Variants in CFAP251 observed in about 807,000 individuals in gnomAD.
CFAP251 encodes the protein cilia- and flagella-associated protein 251.
In CFAP251, 93 loss-of-function variants were observed where a neutral mutation model predicts 126.7. The ratio of observed to expected loss-of-function variants is 0.73; its 90% CI spans 0.62 to 0.87. The LOEUF is 0.87. Among genes scored for constraint, CFAP251 ranks in the 40% least tolerant of loss-of-function variants. The pLI is 0.00. For synonymous variants in CFAP251, 503 were observed against 506.9 expected (o/e 0.99, Z 0.10); for missense variants, 1,287 against 1,389.2 (o/e 0.93, Z 1.17).
At chr12:121,945,551 G>A (rs972432008) in intron 7 of CFAP251, among the ~76,000 whole-genome samples, 8 of 150,796 alleles carry the variant, frequency 5.3e-5, no homozygotes, top group Admixed American at 1.3e-4. Context: ...CACCATGTTA[G>A]CCAGGATGGT....
At chr12:121,998,431 TAATATATATATA>T (rs1179395380) in intron 19 of CFAP251, 1 of 73,028 alleles carries the variant, frequency 1.4e-5, no homozygotes. Flanking sequence ...GTTTTTAGTG[TAATATATATATA>T]TATATATATA....
chr12:121,961,047 A>T (rs830127), intron 14 of CFAP251, among the ~76,000 whole-genome samples: 1 of 152,092 alleles, frequency 6.6e-6, no homozygotes, highest in Non-Finnish European at 1.5e-5. Context: ...CTTGCCTCCC[A>T]GTGTGCACGG....
At chr12:121,995,911 ATGTG>A (rs1281511873) in intron 19 of CFAP251, among the ~76,000 whole-genome samples, 1 of 152,228 alleles carries the variant, frequency 6.6e-6, no homozygotes, top group East Asian at 1.9e-4. Flanking sequence ...AAAAATATGC[ATGTG>A]TATTTTATAT....
rs192163101 is a variant in CFAP251, at chr12:121,989,261, T to C, written c.3007-10455T>C. Among the ~76,000 whole-genome samples the C allele has an allele frequency of 3.0e-3, 455 of 152,312 alleles. 2 individuals are homozygous for C. Among genetic ancestry groups the C allele is most frequent in the African/African-American group, 0.01 (431 of 41,560 alleles). On this transcript the variant is annotated intron_variant, in intron 19 of 21. Transcript: ENST00000288912. This position sits in a 1 kb window ranked among gnomAD's most constrained non-coding sequence, Gnocchi z 4.2. ...GAGGTGTTTGAGACCTGGGCTCTGA[T>C]GCAGGGCAGGGTGACAGTCACTCTA...
At chr12:122,000,055 A>G (rs1883112979) in intron 20 of CFAP251, 111 bp downstream of exon 20, 1 of 989,722 alleles carries the variant, frequency 1.0e-6, no homozygotes, top group Admixed American at 2.6e-5. Flanking sequence ...GAAAGAGGTG[A>G]TTTGACCAGA....
chr12:121,989,744 C>CTG lies in CFAP251; in HGVS notation c.3007-9971_3007-9970insGT, dbSNP rs1565924110. ...GGGAAGAGGGTGAGTGCTCCCAGTC[C>CTG]TACTGGTCCATGAAACCATTAGAAA... On this transcript the variant is annotated intron_variant, in intron 19 of 21. Coordinates refer to ENST00000288912, the MANE Select transcript of CFAP251 (RefSeq NM_144668.6). This position sits in a 1 kb window ranked among gnomAD's most constrained non-coding sequence, Gnocchi z 4.2. 9.1e-4 allele frequency among the ~76,000 whole-genome samples: 138 copies of CTG among 152,182 alleles called. No homozygotes were observed. Among genetic ancestry groups the CTG allele is most frequent in the African/African-American group, 3.3e-3 (137 of 41,510 alleles).
In CFAP251 at chr12:121,924,880, C is replaced by T. The variant is rs1880347464; in HGVS notation, c.747+890C>T. ...TTGTCTGTTGCATAGGGTGCTATTT[C>T]ACGTGGGAGATCCAAACTCCATTCC... is the stretch of plus-strand genomic sequence containing the variant. On this transcript the variant is annotated intron_variant, in intron 3 of 21. Coordinates refer to ENST00000288912, the MANE Select transcript of CFAP251 (RefSeq NM_144668.6). Among the ~76,000 whole-genome samples the T allele has an allele frequency of 3.3e-5, 5 of 152,210 alleles. No individual in the cohort carries two copies. The South Asian group carries it at 1.0e-3, about 32-fold the overall frequency.
chr12:121,961,815 C>CA (rs1374987347), intron 14 of CFAP251, among the ~76,000 whole-genome samples, 163 bp from the exon 15 acceptor site: 2 of 152,320 alleles, frequency 1.3e-5, no homozygotes, highest in East Asian at 3.9e-4. Context: ...TAGTCAGTGT[C>CA]AGGTCTAGGC....
chr12:121,984,943 G>A (rs1882709646), intron 19 of CFAP251, among the ~76,000 whole-genome samples: 1 of 152,186 alleles, frequency 6.6e-6, no homozygotes, highest in African/African-American at 2.4e-5. Context: ...CCCAGCAAGT[G>A]CCCACATGGT....
chr12:122,001,084 T>C (rs1459787311), intron 20 of CFAP251, among the ~76,000 whole-genome samples: 1 of 139,252 alleles, frequency 7.2e-6, no homozygotes, highest in Non-Finnish European at 1.5e-5. Flanking sequence ...TGAGACAGAG[T>C]CTCGCTCTGT....
chr12:122,001,532 T>A lies in CFAP251; in HGVS notation c.3271T>A (p.Phe1091Ile). 1 of 1,614,148 alleles carries A rather than the reference T, an allele frequency of 6.2e-7. No individual in the cohort carries two copies. The highest frequency in any genetic ancestry group is 8.5e-7 in the Non-Finnish European group (1 of 1,180,012). The change falls in exon 21 of 22, where the codon TTT becomes ATT. Residue 1091 changes from phenylalanine to isoleucine, a missense_variant. Transcript: ENST00000288912. Reference sequence around the variant, plus strand: ...GACGGAGGAGGAGATGTTGGATTGCTTTGCTTCACTGTTTGGCCTGAATCC... The same window carrying A: ...GACGGAGGAGGAGATGTTGGATTGCATTGCTTCACTGTTTGGCCTGAATCC... ...HMTEEEMLDC[F>I]ASLFGLNPEG...
chr12:121,954,169 A>C lies in CFAP251; in HGVS notation c.1370A>C (p.Asn457Thr), dbSNP rs1881630187. The C allele has an allele frequency of 1.9e-6, 3 of 1,614,180 alleles. No individual in the cohort carries two copies. The highest frequency in any genetic ancestry group is 2.5e-6 in the Non-Finnish European group (3 of 1,180,040). ...TTTAGCCAGTCCATCTTTCACTTGA[A>C]TTTAACACAAATACTCTCAGCCACA... ...GKFSQSIFHL[N>T]LTQILSATME... Residue 457 changes from asparagine to threonine, a missense_variant, in exon 10 of 22, where the codon AAT becomes ACT. Transcript: ENST00000288912.
chr12:121,990,525 G>T (rs1183590866), intron 19 of CFAP251, among the ~76,000 whole-genome samples: 1 of 152,136 alleles, frequency 6.6e-6, no homozygotes, highest in Non-Finnish European at 1.5e-5. Context: ...CCAGCATACA[G>T]TGTCTTCCTC....
intron 17 of CFAP251, among the ~76,000 whole-genome samples, chr12:121,970,430 T>G (rs1335828186): frequency 6.6e-6 from 1 of 152,130 alleles, no homozygotes; most frequent in African/African-American, 2.4e-5. Flanking sequence ...GGCAAGTCCC[T>G]TCACTTCTCG....
In CFAP251 at chr12:121,975,528, G is replaced by T; in HGVS notation, c.2863-14G>T. The T allele has an allele frequency of 6.2e-7, 1 of 1,607,508 alleles. No individual in the cohort carries two copies. The highest frequency in any genetic ancestry group is 8.5e-7 in the Non-Finnish European group (1 of 1,178,318). On this transcript the variant is annotated splice_polypyrimidine_tract_variant and intron_variant, in intron 18 of 21. Transcript: ENST00000288912. Reference sequence around the variant, plus strand: ...CCTAAATGTGTGTTGTGTTTCCGTTGTATTCCTACATAGGAGCTAGAAGAC... The same window carrying T: ...CCTAAATGTGTGTTGTGTTTCCGTTTTATTCCTACATAGGAGCTAGAAGAC...
chr12:121,961,878 C>G (rs1881950732), intron 14 of CFAP251, 100 bp from the exon 15 acceptor site: 1 of 1,260,038 alleles, frequency 7.9e-7, no homozygotes, highest in Non-Finnish European at 1.1e-6. Flanking sequence ...GCACTGTTGG[C>G]TGATAATTAT....
chr12:121,960,375 G>A lies in CFAP251; in HGVS notation c.2134-210G>A, dbSNP rs568320254. On this transcript the variant is annotated intron_variant, in intron 13 of 21. Coordinates refer to ENST00000288912, the MANE Select transcript of CFAP251 (RefSeq NM_144668.6). ...TGGAATTATAGGCATGTGCCACCAC[G>A]CCCAGCTAATTTTTGTATTTTTAGT... is the stretch of plus-strand genomic sequence containing the variant. Among the ~76,000 whole-genome samples, 8 of 152,120 alleles carry A rather than the reference G, an allele frequency of 5.3e-5. No homozygotes were observed. In the East Asian group the frequency reaches 1.2e-3, roughly 22 times the overall value.
At chr12:121,970,014 G>A (rs1792353004) in intron 17 of CFAP251, 1 of 956,040 alleles carries the variant, frequency 1.0e-6, no homozygotes, top group Non-Finnish European at 1.2e-6. Context: ...CTAATGGAGA[G>A]AAATGTAAAA....
chr12:121,955,059 T>C (rs1024830836), intron 10 of CFAP251, among the ~76,000 whole-genome samples: 2 of 152,196 alleles, frequency 1.3e-5, no homozygotes, highest in Admixed American at 1.3e-4. Context: ...TCCCAGCATT[T>C]TGGGAGGCCG....
Sources: gnomAD v4.1 joint callset for allele counts (sites outside exome capture counted in the v4.1 genomes callset) on GRCh38, gnomAD v4.1.1 for gene constraint, Gnocchi (gnomAD v3.1) non-coding constraint, MANE v1.5 for transcripts, NCBI Gene and HGNC (gene_info 2026-07-23, HGNC 2026-07-21) for gene names.